ANTXR1: variants seen among roughly 807,000 people sequenced by gnomAD.
ANTXR1 encodes anthrax toxin receptor 1.
ANTXR1 carries 19 observed loss-of-function variants against 78.1 expected under a neutral mutation model. The observed-to-expected ratio is 0.24, with a 90% CI of 0.17 to 0.36. The LOEUF (loss-of-function observed/expected upper bound fraction) is 0.36, where lower values mean the gene tolerates loss of function less well. Among genes scored for constraint, ANTXR1 ranks in the 10% least tolerant of loss-of-function variants. The pLI, the probability that ANTXR1 is intolerant of heterozygous loss-of-function variation, is 1.00. For missense variants in ANTXR1, 518 were observed against 718.6 expected, an observed-to-expected ratio of 0.72 and a Z score of 3.19; for synonymous variants, 273 against 260.5, an observed-to-expected ratio of 1.05 and a Z score of -0.46.
chr2:69,151,351 C>T (rs1453182196), intron 12 of ANTXR1, among the ~76,000 whole-genome samples: 1 of 152,048 alleles, frequency 6.6e-6, no homozygotes, highest in Admixed American at 6.5e-5. Context: ...GAAAGATTTG[C>T]TGATTTGCAC....
intron 12 of ANTXR1, among the ~76,000 whole-genome samples, chr2:69,149,532 G>A (rs981691100): frequency 1.3e-5 from 2 of 152,164 alleles, no homozygotes; most frequent in Non-Finnish European, 2.9e-5. Context: ...AGGGAGAGGG[G>A]AAATTGTGTA....
In ANTXR1 at chr2:69,182,714, AG is replaced by A. The variant is rs895921183; in HGVS notation, c.1353+55del. Reference sequence around the variant, plus strand: ...ATCAGTCCTGATAAAACACTTACATAGTGAAGAATCAAAATCTTTCCACATG... The same window carrying A: ...ATCAGTCCTGATAAAACACTTACATATGAAGAATCAAAATCTTTCCACATG... On this transcript the variant is annotated intron_variant, in intron 16 of 17. Coordinates refer to ENST00000303714, the MANE Select transcript of ANTXR1 (RefSeq NM_032208.3). 11 of 1,609,286 alleles carry A rather than the reference AG, an allele frequency of 6.8e-6. No individual in the cohort carries two copies. The Admixed American group carries it at 1.0e-4, about 15-fold the overall frequency.
chr2:69,143,964 A>C (rs919410659), intron 12 of ANTXR1, among the ~76,000 whole-genome samples: 23 of 152,304 alleles, frequency 1.5e-4, no homozygotes, highest in Non-Finnish European at 3.2e-4. Flanking sequence ...AAATAACAGA[A>C]TATATAAACT....
chr2:69,097,354 T>G (rs1299245163), intron 9 of ANTXR1, among the ~76,000 whole-genome samples: 2 of 152,248 alleles, frequency 1.3e-5, no homozygotes, highest in African/African-American at 4.8e-5. Context: ...CAGCAGCAGT[T>G]GTATTCCTAC....
At chr2:69,036,483 A>G (rs1669428733) in intron 1 of ANTXR1, among the ~76,000 whole-genome samples, 1 of 151,912 alleles carries the variant, frequency 6.6e-6, no homozygotes, top group South Asian at 2.1e-4. Flanking sequence ...ATTCTTTCTA[A>G]TTTTTTTTGT....
chr2:69,069,456 C>A (rs1340606628), intron 3 of ANTXR1, among the ~76,000 whole-genome samples: 1 of 152,196 alleles, frequency 6.6e-6, no homozygotes, highest in African/African-American at 2.4e-5. Context: ...TAGACAGAGC[C>A]TGGCACCATA....
chr2:69,173,972 CATTTT>C (rs1674055417), intron 14 of ANTXR1, among the ~76,000 whole-genome samples: 1 of 152,232 alleles, frequency 6.6e-6, no homozygotes, highest in African/African-American at 2.4e-5. Context: ...ATGACTAGTA[CATTTT>C]ATTTGCAATG....
chr2:69,104,190 C>T (rs1418393750), intron 10 of ANTXR1, among the ~76,000 whole-genome samples: 2 of 152,120 alleles, frequency 1.3e-5, no homozygotes, highest in African/African-American at 2.4e-5. Flanking sequence ...CCACCCGCCT[C>T]GGCTTCCCAA....
At chr2:69,099,783 C>T (rs1671551126) in intron 9 of ANTXR1, among the ~76,000 whole-genome samples, 1 of 152,206 alleles carries the variant, frequency 6.6e-6, no homozygotes, top group Non-Finnish European at 1.5e-5. Flanking sequence ...ATCACCCTAT[C>T]CTTCCCCTTT....
At chr2:69,200,192 T>G (rs988070463) in intron 17 of ANTXR1, among the ~76,000 whole-genome samples, 1 of 152,192 alleles carries the variant, frequency 6.6e-6, no homozygotes, top group African/African-American at 2.4e-5. Flanking sequence ...ATTCCATTAC[T>G]ATCTGCAAGA....
chr2:69,040,110 C>A lies in ANTXR1; in HGVS notation c.219C>A (p.Phe73Leu). 6.2e-7 allele frequency: 1 copy of A among 1,612,888 alleles called. No homozygotes were observed. The highest frequency in any genetic ancestry group is 1.1e-5 in the South Asian group (1 of 91,016). ...TTGTGGAACAGTTGGCTCACAAATTCATCAGGTGAGAAACACTATGCATTT... is the reference window on the plus strand; with the variant it reads ...TTGTGGAACAGTTGGCTCACAAATTAATCAGGTGAGAAACACTATGCATTT... ...YYFVEQLAHK[F>L]ISPQLRMSFI... is the part of the protein sequence containing the mutation. The change falls in exon 2 of 18, where the codon TTC (phenylalanine) becomes TTA (leucine). Residue 73 changes from phenylalanine (F) to leucine (L), a missense_variant. Coordinates refer to ENST00000303714, the MANE Select transcript of ANTXR1 (RefSeq NM_032208.3).
intron 12 of ANTXR1, among the ~76,000 whole-genome samples, chr2:69,139,709 G>A (rs1389140693): frequency 6.6e-6 from 1 of 152,106 alleles, no homozygotes; most frequent in African/African-American, 2.4e-5. Flanking sequence ...AACAGCCCAT[G>A]GTATATTGTA....
chr2:69,087,871 G>A (rs551920858), intron 8 of ANTXR1, among the ~76,000 whole-genome samples: 3 of 152,198 alleles, frequency 2.0e-5, no homozygotes, highest in South Asian at 2.1e-4. Context: ...TAAGAACCAC[G>A]AGAACCCTTC....
At chr2:69,028,514 G>C (rs1366976257) in intron 1 of ANTXR1, among the ~76,000 whole-genome samples, 3 of 151,942 alleles carry the variant, frequency 2.0e-5, no homozygotes, top group African/African-American at 4.8e-5. Flanking sequence ...AAATAAAAAA[G>C]CATTTTCAGA....
chr2:69,057,556 C>A (rs1030339995), intron 3 of ANTXR1, among the ~76,000 whole-genome samples: 4 of 152,128 alleles, frequency 2.6e-5, no homozygotes, highest in Non-Finnish European at 5.9e-5. Flanking sequence ...TGTAAGACAG[C>A]AAACTTAATT....
chr2:69,159,545 A>AG (rs1673621896), intron 13 of ANTXR1, among the ~76,000 whole-genome samples: 1 of 152,162 alleles, frequency 6.6e-6, no homozygotes, highest in African/African-American at 2.4e-5. Context: ...AAAAGAAAAA[A>AG]AAAATCCTGC....
At chr2:69,166,667 T>C (rs532094701) in intron 13 of ANTXR1, among the ~76,000 whole-genome samples, 1 of 152,248 alleles carries the variant, frequency 6.6e-6, no homozygotes, top group Non-Finnish European at 1.5e-5. Context: ...TTAAAATATT[T>C]TATTAACGAC....
At chr2:69,214,238 C>T (rs1345484760) in intron 17 of ANTXR1, among the ~76,000 whole-genome samples, 1 of 152,254 alleles carries the variant, frequency 6.6e-6, no homozygotes, top group East Asian at 1.9e-4. Context: ...GGCCTGCAAG[C>T]TGTATCACTT....
intron 9 of ANTXR1, among the ~76,000 whole-genome samples, chr2:69,097,363 A>G (rs1374887844): frequency 6.6e-6 from 1 of 152,242 alleles, no homozygotes; most frequent in Non-Finnish European, 1.5e-5. Context: ...TTGTATTCCT[A>G]CTGTGTTTCC....
Sources: allele counts gnomAD v4.1 joint callset (sites outside exome capture counted in the v4.1 genomes callset), GRCh38; gene constraint gnomAD v4.1.1; transcripts MANE v1.5; gene names NCBI Gene and HGNC (gene_info 2026-07-23, HGNC 2026-07-21).